PTPRO: variants seen among roughly 807,000 people sequenced by gnomAD.
The protein encoded by PTPRO is receptor-type tyrosine-protein phosphatase O.
PTPRO carries 62 observed loss-of-function variants against 145.2 expected under a neutral mutation model. That is an observed-to-expected ratio of 0.43 (90% CI 0.35 to 0.53). The LOEUF (loss-of-function observed/expected upper bound fraction) is 0.53, where lower values mean the gene tolerates loss of function less well. PTPRO is among the 20% of genes least tolerant of loss of function. The probability of loss-of-function intolerance (pLI) is 0.01; values close to 1 mark genes in which losing one functional copy is unlikely to be tolerated. For missense variants in PTPRO, 1,345 were observed against 1,482.7 expected, an observed-to-expected ratio of 0.91 and a Z score of 1.53; for synonymous variants, 565 against 514.7, an observed-to-expected ratio of 1.10 and a Z score of -1.32.
In PTPRO at chr12:15,413,751, G is replaced by A. The variant is rs191489665; in HGVS notation, c.76-70223G>A. 5.3e-5 allele frequency among the ~76,000 whole-genome samples: 8 copies of A among 152,214 alleles called. No individual in the cohort carries two copies. The East Asian group carries it at 1.5e-3, about 29-fold the overall frequency. ...AATTACTTGAGCCTGAGAGGCGGAG[G>A]TTGCAGCGAGCCAAGATCGTGCTAC... On this transcript the variant is annotated intron_variant, in intron 1 of 26. Coordinates refer to ENST00000281171, the MANE Select transcript of PTPRO (RefSeq NM_030667.3).
chr12:15,392,656 G>T (rs969172512), intron 1 of PTPRO, among the ~76,000 whole-genome samples: 3 of 144,978 alleles, frequency 2.1e-5, no homozygotes, highest in Admixed American at 7.2e-5. Flanking sequence ...CGGAGGCGGA[G>T]GTTTCCATGT....
chr12:15,472,541 C>G (rs1364435893), intron 1 of PTPRO, among the ~76,000 whole-genome samples: 1 of 152,140 alleles, frequency 6.6e-6, no homozygotes, highest in Non-Finnish European at 1.5e-5. Flanking sequence ...TTTTCTGAAC[C>G]AGATTCCCCT....
chr12:15,484,061 G>C lies in PTPRO; in HGVS notation c.163G>C (p.Val55Leu). Residue 55 changes from valine to leucine, a missense_variant, in exon 2 of 27, where the codon GTG (valine) becomes CTG (leucine). This residue lies in a region of PTPRO where 1,130 missense variants were observed against 1,214.7 expected (regional missense o/e 0.93). Transcript: ENST00000281171. Reference sequence around the variant, plus strand: ...TTCAGACGTCATCAGTCCAGCATCTGTGTATGTTGTGAAGATAACTGGTGA... The same window carrying C: ...TTCAGACGTCATCAGTCCAGCATCTCTGTATGTTGTGAAGATAACTGGTGA... ...EASDVISPAS[V>L]YVVKITGESK... 1.2e-6 allele frequency: 2 copies of C among 1,613,848 alleles called. No homozygotes were observed. The highest frequency in any genetic ancestry group is 1.7e-6 in the Non-Finnish European group (2 of 1,179,782).
At chr12:15,503,632 T>C (rs1251991097) in intron 5 of PTPRO, among the ~76,000 whole-genome samples, 1 of 152,188 alleles carries the variant, frequency 6.6e-6, no homozygotes, top group Non-Finnish European at 1.5e-5. Flanking sequence ...CATAATTTTG[T>C]TGGGTAGGAG....
At chr12:15,467,587 T>G (rs930800348) in intron 1 of PTPRO, among the ~76,000 whole-genome samples, 6 of 152,182 alleles carry the variant, frequency 3.9e-5, no homozygotes, top group Admixed American at 6.5e-5. Context: ...TCATATCCAC[T>G]GCTGCCTATA....
intron 21 of PTPRO, 90 bp from the exon 22 acceptor site, chr12:15,580,607 T>C: frequency 6.5e-7 from 1 of 1,532,662 alleles, no homozygotes; most frequent in Non-Finnish European, 9.0e-7. Flanking sequence ...TTATCACCAG[T>C]AAGTTTTCAG....
In PTPRO at chr12:15,595,055, G is replaced by C. The variant is rs375858988; in HGVS notation, c.*14G>C. On this transcript the variant is annotated splice_region_variant and 3_prime_UTR_variant, in exon 26 of 27. Transcript: ENST00000281171. The stretch of plus-strand genomic sequence containing the variant: ...AGCAAGTCCTAGTTCAGAATCCGGA[G>C]CAGTAAGTGGAGAAGAGCTCTCCAC... The C allele has an allele frequency of 2.4e-4, 379 of 1,590,244 alleles. No homozygotes were observed. The Middle Eastern group carries it at 2.5e-3, about 10-fold the overall frequency.
intron 26 of PTPRO, 135 bp downstream of exon 26, chr12:15,595,192 G>C: frequency 1.4e-6 from 1 of 692,928 alleles, no homozygotes; most frequent in Non-Finnish European, 2.6e-6. Flanking sequence ...CCAGCTCCTG[G>C]CCTCACATGG....
chr12:15,484,517 A>G (rs1279884148), intron 2 of PTPRO, among the ~76,000 whole-genome samples: 1 of 152,172 alleles, frequency 6.6e-6, no homozygotes, highest in Admixed American at 6.5e-5. Flanking sequence ...TTTCAAATTC[A>G]TGATTGGACC....
chr12:15,574,379 T>A (rs1357724995), intron 19 of PTPRO, among the ~76,000 whole-genome samples: 1 of 152,198 alleles, frequency 6.6e-6, no homozygotes, highest in East Asian at 1.9e-4. Context: ...AGCTGAAATG[T>A]GAGAGCCCAG....
intron 19 of PTPRO, among the ~76,000 whole-genome samples, chr12:15,574,911 T>C (rs193096218): frequency 1.3e-5 from 2 of 152,306 alleles, no homozygotes; most frequent in Admixed American, 6.5e-5. Flanking sequence ...AGAATGCAGA[T>C]TGTGCTCTCC....
intron 1 of PTPRO, among the ~76,000 whole-genome samples, chr12:15,449,487 T>A (rs1580252): frequency 1.3e-5 from 2 of 152,134 alleles, no homozygotes; most frequent in Non-Finnish European, 2.9e-5. Context: ...AGCAAACTTG[T>A]GGTTATATAG....
At position 15,364,841 on chromosome 12, in the gene PTPRO, T is replaced by C. The variant is rs528532585; in HGVS notation, c.75+42040T>C. ...ATCCCGGAATCACTGGTCCCATTAA[T>C]TGAACAACACAAGCATGCTTCTTGA... On this transcript the variant is annotated intron_variant, in intron 1 of 26. Transcript: ENST00000281171. Among the ~76,000 whole-genome samples the C allele has an allele frequency of 7.2e-5, 11 of 152,298 alleles. 1 individual carries two copies. In the South Asian group the frequency reaches 2.1e-3, roughly 29 times the overall value.
intron 24 of PTPRO, among the ~76,000 whole-genome samples, chr12:15,588,228 C>G (rs866570142): frequency 6.6e-6 from 1 of 152,136 alleles, no homozygotes; most frequent in Non-Finnish European, 1.5e-5. Flanking sequence ...AATGGCAGAT[C>G]ATTTTATCTG....
chr12:15,549,064 T>A, intron 13 of PTPRO, 30 bp from the exon 14 acceptor site: 1 of 1,609,700 alleles, frequency 6.2e-7, no homozygotes. Context: ...GAAGTTAACC[T>A]AAAATTTACC....
At chr12:15,460,549 T>C (rs1315667068) in intron 1 of PTPRO, among the ~76,000 whole-genome samples, 1 of 152,198 alleles carries the variant, frequency 6.6e-6, no homozygotes. Context: ...TTTACAACAA[T>C]AGCTTTACAA....
At chr12:15,555,352 T>C (rs1943593427) in intron 15 of PTPRO, among the ~76,000 whole-genome samples, 1 of 151,992 alleles carries the variant, frequency 6.6e-6, no homozygotes, top group Non-Finnish European at 1.5e-5. Flanking sequence ...ACTGGAACAA[T>C]CAATATTAAG....
intron 1 of PTPRO, among the ~76,000 whole-genome samples, chr12:15,367,005 T>A (rs1938382017): frequency 1.3e-5 from 2 of 152,104 alleles, no homozygotes; most frequent in Admixed American, 1.3e-4. Flanking sequence ...ATAAAATAAC[T>A]CTGGAACACA....
chr12:15,403,004 T>C (rs1397378664), intron 1 of PTPRO, among the ~76,000 whole-genome samples: 1 of 152,214 alleles, frequency 6.6e-6, no homozygotes, highest in Non-Finnish European at 1.5e-5. Context: ...CTTGAGCTTT[T>C]TAGTTTTATT....
Sources: allele counts gnomAD v4.1 joint callset (sites outside exome capture counted in the v4.1 genomes callset), GRCh38; gene constraint gnomAD v4.1.1; regional missense constraint gnomAD v4.1.1; transcripts MANE v1.5; gene names NCBI Gene and HGNC (gene_info 2026-07-23, HGNC 2026-07-21).